ASTN1: variants seen among roughly 807,000 people sequenced by gnomAD.
ASTN1 encodes the protein astrotactin 1.
In ASTN1, 41 loss-of-function variants were observed where a neutral mutation model predicts 140.7. The ratio of observed to expected loss-of-function variants is 0.29; its 90% CI spans 0.23 to 0.38. The LOEUF (loss-of-function observed/expected upper bound fraction) is 0.38. Ranked by LOEUF, ASTN1 falls within the 10% of genes least tolerant of loss-of-function variation. The pLI, the probability that ASTN1 is intolerant of heterozygous loss-of-function variation, is 1.00. For missense variants in ASTN1, 1,479 were observed against 1,678.8 expected (o/e 0.88, Z 2.08); for synonymous variants, 640 against 652.2 (o/e 0.98, Z 0.29).
intron 5 of ASTN1, among the ~76,000 whole-genome samples, chr1:177,025,427 A>AT (rs533900678): frequency 1.3e-5 from 2 of 150,250 alleles, no homozygotes; most frequent in Admixed American, 6.6e-5. Flanking sequence ...TTGTTTCTTT[A>AT]TTTTTTTTGT....
chr1:176,896,140 A>T (rs1669493664), intron 16 of ASTN1, among the ~76,000 whole-genome samples: 1 of 152,186 alleles, frequency 6.6e-6, no homozygotes, highest in Non-Finnish European at 1.5e-5. Context: ...ATGTAATATG[A>T]GCCCATTTAG....
intron 2 of ASTN1, among the ~76,000 whole-genome samples, chr1:177,041,515 C>T (rs910496049): frequency 1.3e-5 from 2 of 152,186 alleles, no homozygotes; most frequent in Admixed American, 1.3e-4. Flanking sequence ...GGCACCAGCC[C>T]TTCAAAACTT....
At chr1:176,949,851 C>A (rs1672120170) in intron 11 of ASTN1, among the ~76,000 whole-genome samples, 1 of 152,162 alleles carries the variant, frequency 6.6e-6, no homozygotes, top group South Asian at 2.1e-4. Context: ...GGGCTTCCAG[C>A]CTGAAGGAGG....
At chr1:177,042,256 T>C (rs917584550) in intron 2 of ASTN1, among the ~76,000 whole-genome samples, 2 of 152,196 alleles carry the variant, frequency 1.3e-5, no homozygotes, top group African/African-American at 4.8e-5. Flanking sequence ...ACAACTTGAT[T>C]TTCATGAGTG....
At chr1:177,068,361 A>C (rs1678467341) in intron 1 of ASTN1, among the ~76,000 whole-genome samples, 1 of 152,198 alleles carries the variant, frequency 6.6e-6, no homozygotes, top group South Asian at 2.1e-4. Context: ...TTCATTTTTC[A>C]AGGAACCAAA....
chr1:176,997,343 T>C (rs541871433), intron 8 of ASTN1, among the ~76,000 whole-genome samples: 6 of 152,306 alleles, frequency 3.9e-5, no homozygotes, highest in Admixed American at 2.6e-4. Context: ...AGCCAGGATT[T>C]GGACCCAGGT....
At chr1:177,048,247 C>T (rs1420200898) in intron 2 of ASTN1, among the ~76,000 whole-genome samples, 2 of 152,150 alleles carry the variant, frequency 1.3e-5, no homozygotes, top group African/African-American at 4.8e-5. Context: ...CCTCTCCCTC[C>T]TAATGGCAAC....
chr1:177,004,785 T>C (rs181004486), intron 8 of ASTN1, among the ~76,000 whole-genome samples: 4 of 152,224 alleles, frequency 2.6e-5, no homozygotes, highest in Admixed American at 2.6e-4. Context: ...TGCAGAGGAA[T>C]TAAACGGGAT....
In ASTN1 at chr1:176,864,498, T is replaced by G. The variant is rs577026489; in HGVS notation, c.3671A>C (p.Gln1224Pro). ...GPRKAGLILSQLGDLSSWCNG... is the reference protein window; with the variant it reads ...GPRKAGLILSPLGDLSSWCNG... ...GCACCAACTGCTGAGGTCCCCAAGC[T>G]GGGAAAGGATGAGACCAGCTTTCCT... Residue 1224 changes from glutamine (Q) to proline (P), a missense_variant, in exon 23 of 23, where the codon CAG becomes CCG. By Grantham distance (76) the Gln-to-Pro change is moderately conservative. This residue lies in a region of ASTN1 where 746 missense variants were observed against 800.9 expected (regional missense o/e 0.93). Transcript: ENST00000361833. The G allele has an allele frequency of 6.2e-7, 1 of 1,614,042 alleles. No individual in the cohort carries two copies. The highest frequency in any genetic ancestry group is 2.2e-5 in the East Asian group (1 of 44,876).
chr1:176,970,340 G>A (rs1218880681), intron 8 of ASTN1, among the ~76,000 whole-genome samples: 1 of 152,160 alleles, frequency 6.6e-6, no homozygotes, highest in African/African-American at 2.4e-5. Flanking sequence ...AGCCTGACTG[G>A]ATGCTCCCTT....
chr1:176,895,104 C>T (rs1262748061), intron 16 of ASTN1, among the ~76,000 whole-genome samples: 2 of 152,168 alleles, frequency 1.3e-5, no homozygotes, highest in Non-Finnish European at 2.9e-5. Flanking sequence ...GGGCTCCATG[C>T]TGATGACCCT....
chr1:176,993,027 C>T (rs1214270495), intron 8 of ASTN1, among the ~76,000 whole-genome samples: 2 of 152,214 alleles, frequency 1.3e-5, no homozygotes, highest in Non-Finnish European at 2.9e-5. Flanking sequence ...CCCTCTCTGC[C>T]ATGTAGGAAC....
At chr1:176,957,227 A>T (rs1487040719) in intron 11 of ASTN1, among the ~76,000 whole-genome samples, 1 of 152,122 alleles carries the variant, frequency 6.6e-6, no homozygotes, top group Non-Finnish European at 1.5e-5. Context: ...CTGATAACGA[A>T]GTACTTTAGG....
chr1:177,107,867 T>C (rs1343834965), intron 1 of ASTN1, among the ~76,000 whole-genome samples: 1 of 152,166 alleles, frequency 6.6e-6, no homozygotes, highest in East Asian at 1.9e-4. Flanking sequence ...TAGATGAAAC[T>C]GTTCACTCAA....
intron 8 of ASTN1, among the ~76,000 whole-genome samples, chr1:176,997,757 C>G (rs888759199): frequency 6.6e-6 from 1 of 152,022 alleles, no homozygotes; most frequent in Non-Finnish European, 1.5e-5. Context: ...CACGCTGGGA[C>G]GATTGCCACA....
At chr1:176,993,459 G>C (rs1368593758) in intron 8 of ASTN1, among the ~76,000 whole-genome samples, 1 of 152,258 alleles carries the variant, frequency 6.6e-6, no homozygotes, top group African/African-American at 2.4e-5. Flanking sequence ...TTCTGGAATA[G>C]GAGTTAGAGT....
intron 1 of ASTN1, among the ~76,000 whole-genome samples, chr1:177,124,606 C>T (rs916367069): frequency 6.6e-6 from 1 of 152,168 alleles, no homozygotes; most frequent in Non-Finnish European, 1.5e-5. Flanking sequence ...ATTTTGCTAA[C>T]AGCTACCACA....
At chr1:176,909,476 G>A (rs1670137265) in intron 16 of ASTN1, among the ~76,000 whole-genome samples, 2 of 152,118 alleles carry the variant, frequency 1.3e-5, no homozygotes, top group African/African-American at 4.8e-5. Flanking sequence ...TTTATATTAA[G>A]GGGAAAATGG....
At position 177,089,047 on chromosome 1, in the gene ASTN1, G is replaced by T. The variant is rs964504030; in HGVS notation, c.284-27782C>A. On this transcript the variant is annotated intron_variant, in intron 1 of 22. Coordinates refer to ENST00000361833, the MANE Select transcript of ASTN1 (RefSeq NM_004319.3). ...GCACACTCCTCCCCTTTATGAGCAG[G>T]ACAATGGCAGACAAAGGTGGTGAGC... 2.0e-5 allele frequency among the ~76,000 whole-genome samples: 3 copies of T among 152,114 alleles called. 1 individual carries two copies. Among genetic ancestry groups the T allele is most frequent in the Non-Finnish European group, 4.4e-5 (3 of 68,032 alleles).
Sources: gnomAD v4.1 joint callset for allele counts (sites outside exome capture counted in the v4.1 genomes callset) on GRCh38, gnomAD v4.1.1 for gene constraint, gnomAD v4.1.1 regional missense constraint, MANE v1.5 for transcripts, NCBI Gene and HGNC (gene_info 2026-07-23, HGNC 2026-07-21) for gene names.